Variants in AGAP1 observed in about 807,000 individuals in gnomAD.
The protein encoded by AGAP1 is arf-GAP with GTPase, ANK repeat and PH domain-containing protein 1.
Under a neutral mutation model 105.3 loss-of-function variants are expected in AGAP1, and 29 were observed. That is an observed-to-expected ratio of 0.28 (90% CI 0.21 to 0.38). The LOEUF (loss-of-function observed/expected upper bound fraction) is 0.38. Among genes scored for constraint, AGAP1 ranks in the 10% least tolerant of loss-of-function variants. The probability of loss-of-function intolerance (pLI) is 1.00; values close to 1 mark genes in which losing one functional copy is unlikely to be tolerated. For missense variants in AGAP1, 998 were observed against 1,165.1 expected (o/e 0.86, Z 2.09); for synonymous variants, 509 against 485.9 (o/e 1.05, Z -0.63).
intron 10 of AGAP1, among the ~76,000 whole-genome samples, chr2:235,886,188 C>G: frequency 6.6e-6 from 1 of 152,206 alleles, no homozygotes. Context: ...TCCTATGGAC[C>G]CTGTCAGAGA....
chr2:236,052,032 C>T lies in AGAP1; in HGVS notation c.2114+2751C>T, dbSNP rs80073651. ...TCTGCCTTTCGAAGCCACCCCCGCTCCCTCTGCCCCACTCCGCCCCTCCTG... is the reference window on the plus strand; with the variant it reads ...TCTGCCTTTCGAAGCCACCCCCGCTTCCTCTGCCCCACTCCGCCCCTCCTG... On this transcript the variant is annotated intron_variant, in intron 16 of 17. Coordinates refer to ENST00000304032, the MANE Select transcript of AGAP1 (RefSeq NM_001037131.3). 3.4e-4 allele frequency among the ~76,000 whole-genome samples: 52 copies of T among 152,274 alleles called. No homozygotes were observed. In the East Asian group the frequency reaches 9.9e-3, roughly 29 times the overall value.
At chr2:235,541,733 A>G (rs991321812) in intron 1 of AGAP1, among the ~76,000 whole-genome samples, 1 of 152,216 alleles carries the variant, frequency 6.6e-6, no homozygotes, top group South Asian at 2.1e-4. Flanking sequence ...TCTATATCTG[A>G]ATCTCTATCT....
At position 236,036,469 on chromosome 2, in the gene AGAP1, C is replaced by G; in HGVS notation, c.1646-92C>G. The G allele has an allele frequency of 6.6e-7, 1 of 1,522,438 alleles. No homozygotes were observed. The highest frequency in any genetic ancestry group is 8.9e-7 in the Non-Finnish European group (1 of 1,126,832). The allele number at this position is 1,522,438 out of a possible 1,614,324, so 94.3% of individuals were successfully genotyped here. On this transcript the variant is annotated intron_variant, in intron 13 of 17. Transcript: ENST00000304032. The surrounding 1 kb of genome is among the most constrained non-coding windows in gnomAD (Gnocchi z 5.7). ...GCCTCACCGGTCCATGCAGGGGCAGCTGAACCCAGAGGCGCTTCTGTGACA... is the reference window on the plus strand; with the variant it reads ...GCCTCACCGGTCCATGCAGGGGCAGGTGAACCCAGAGGCGCTTCTGTGACA...
intron 1 of AGAP1, chr2:235,670,354 C>T (rs1406248184): frequency 1.9e-6 from 1 of 524,234 alleles, no homozygotes; most frequent in East Asian, 3.7e-5. Flanking sequence ...CGGAGGGTCC[C>T]CGGCCGCGCG....
intron 1 of AGAP1, among the ~76,000 whole-genome samples, chr2:235,499,991 C>T (rs1179054646): frequency 1.3e-5 from 2 of 152,068 alleles, no homozygotes; most frequent in East Asian, 3.9e-4. Flanking sequence ...TTTGAAACGT[C>T]CCCAGAGCAC....
chr2:236,091,839 C>A (rs974988468), intron 16 of AGAP1, among the ~76,000 whole-genome samples: 2 of 152,114 alleles, frequency 1.3e-5, no homozygotes, highest in African/African-American at 4.8e-5. Flanking sequence ...TGGCGTTGTT[C>A]GTAAGAGCCC....
In AGAP1 at chr2:235,789,486, T is replaced by C. The variant is rs901470944; in HGVS notation, c.674-8273T>C. On this transcript the variant is annotated intron_variant, in intron 6 of 17. Coordinates refer to ENST00000304032, the MANE Select transcript of AGAP1 (RefSeq NM_001037131.3). This position sits in a 1 kb window ranked among gnomAD's most constrained non-coding sequence, Gnocchi z 4.2. Reference sequence around the variant, plus strand: ...TTTTAATACAACGAGATAAAAAGAATACAGACAAGAACTGAATTTCAGATT... The same window carrying C: ...TTTTAATACAACGAGATAAAAAGAACACAGACAAGAACTGAATTTCAGATT... 1.3e-5 allele frequency among the ~76,000 whole-genome samples: 2 copies of C among 152,142 alleles called. No homozygotes were observed. The highest frequency in any genetic ancestry group is 2.9e-5 in the Non-Finnish European group (2 of 68,006).
rs1374225143 is a variant in AGAP1 at position 235,692,927 on chromosome 2, G to C, written c.164-16252G>C. On this transcript the variant is annotated intron_variant, in intron 1 of 17. Transcript: ENST00000304032. The surrounding 1 kb of genome is among the most constrained non-coding windows in gnomAD (Gnocchi z 5.8). ...GCAGTGAGCAGGACCTGTTGCTGTC[G>C]GTGGTGGCATCAGTGGAGTTGGCAG... Among the ~76,000 whole-genome samples the C allele has an allele frequency of 6.6e-6, 1 of 152,148 alleles. No homozygotes were observed. Among genetic ancestry groups the C allele is most frequent in the Non-Finnish European group, 1.5e-5 (1 of 68,026 alleles).
intron 1 of AGAP1, among the ~76,000 whole-genome samples, chr2:235,498,680 G>A (rs1334653395): frequency 6.6e-6 from 1 of 152,232 alleles, no homozygotes; most frequent in African/African-American, 2.4e-5. Flanking sequence ...GCAGGACCGT[G>A]ATGTGAGTGA....
In AGAP1 at chr2:235,595,512, T is replaced by C. The variant is rs545473996; in HGVS notation, c.163+100663T>C. On this transcript the variant is annotated intron_variant, in intron 1 of 17. Transcript: ENST00000304032. ...ACACGTATAGCACTTTCAATTATGC[T>C]GTTACTTACAGCTAAGTAAAGCAGT... 9.8e-5 allele frequency among the ~76,000 whole-genome samples: 15 copies of C among 152,342 alleles called. No individual in the cohort carries two copies. In the South Asian group the frequency reaches 3.1e-3, roughly 32 times the overall value.
rs1166847967 is a variant in AGAP1, at chr2:235,714,663, G to A, written c.223-2894G>A. Among the ~76,000 whole-genome samples the A allele has an allele frequency of 2.0e-5, 3 of 152,054 alleles. No homozygotes were observed. The highest frequency in any genetic ancestry group is 6.6e-5 in the Admixed American group (1 of 15,262). On this transcript the variant is annotated intron_variant, in intron 2 of 17. Transcript: ENST00000304032. This position sits in a 1 kb window ranked among gnomAD's most constrained non-coding sequence, Gnocchi z 4.1. ...AGAGTGGGAGCGGCCAGGACTGGGT[G>A]ACAGAGAACATTTGGATCCATGAGC...
At chr2:236,006,470 A>G (rs1451687511) in intron 13 of AGAP1, among the ~76,000 whole-genome samples, 1 of 152,226 alleles carries the variant, frequency 6.6e-6, no homozygotes, top group African/African-American at 2.4e-5. Flanking sequence ...CTGCATATGC[A>G]TATATATCTA....
chr2:235,915,049 G>A (rs182961347), intron 11 of AGAP1, among the ~76,000 whole-genome samples: 4 of 152,226 alleles, frequency 2.6e-5, no homozygotes, highest in South Asian at 4.1e-4. Context: ...GAAGTGCACC[G>A]GCCAGCTCAC....
chr2:235,880,608 C>T (rs1466763346), intron 9 of AGAP1, among the ~76,000 whole-genome samples: 1 of 151,814 alleles, frequency 6.6e-6, no homozygotes, highest in Non-Finnish European at 1.5e-5. Flanking sequence ...GGCATGGTGG[C>T]ATTTGCCTGT....
chr2:235,598,121 T>G (rs1322374159), intron 1 of AGAP1, among the ~76,000 whole-genome samples: 1 of 152,040 alleles, frequency 6.6e-6, no homozygotes, highest in Non-Finnish European at 1.5e-5. Flanking sequence ...CCCTCCCATG[T>G]TTCCTTTGGG....
In AGAP1 at chr2:236,053,676, C is replaced by T. The variant is rs960653020; in HGVS notation, c.2114+4395C>T. On this transcript the variant is annotated intron_variant, in intron 16 of 17. Transcript: ENST00000304032. The surrounding 1 kb of genome is among the most constrained non-coding windows in gnomAD (Gnocchi z 4.6). The stretch of plus-strand genomic sequence containing the variant: ...AAAGCATTTGGCCCCCAAGGCCCTG[C>T]AGGGACTCGCTGCTATTTGCATTTC... Among the ~76,000 whole-genome samples, 2 of 152,240 alleles carry T rather than the reference C, an allele frequency of 1.3e-5. No homozygotes were observed. Among genetic ancestry groups the T allele is most frequent in the African/African-American group, 4.8e-5 (2 of 41,466 alleles).
chr2:235,513,240 C>CAGGGCGCGGGCG (rs1553555357), intron 1 of AGAP1, among the ~76,000 whole-genome samples: 1 of 151,376 alleles, frequency 6.6e-6, no homozygotes, highest in Non-Finnish European at 1.5e-5. Context: ...GATCACTGTG[C>CAGGGCGCGGGCG]CGGGCGCGGG....
At chr2:236,026,899 A>G (rs1292783720) in intron 13 of AGAP1, among the ~76,000 whole-genome samples, 3 of 152,196 alleles carry the variant, frequency 2.0e-5, no homozygotes, top group Non-Finnish European at 1.5e-5. Context: ...TTTGATTCCC[A>G]AGGAGAGCTC....
rs753331753 is a variant in AGAP1, at chr2:235,601,449, A to G, written c.163+106600A>G. 2.6e-5 allele frequency among the ~76,000 whole-genome samples: 4 copies of G among 152,202 alleles called. No homozygotes were observed. Among genetic ancestry groups the G allele is most frequent in the Non-Finnish European group, 4.4e-5 (3 of 68,040 alleles). On this transcript the variant is annotated intron_variant, in intron 1 of 17. Transcript: ENST00000304032. The surrounding 1 kb of genome is among the most constrained non-coding windows in gnomAD (Gnocchi z 4.4). ...AAGTTTAACGGACTCACAGTTCTAC[A>G]TGGCTGGGGAGGCCTCACAGTCATG...
Sources: gnomAD v4.1 joint callset for allele counts (sites outside exome capture counted in the v4.1 genomes callset) on GRCh38, gnomAD v4.1.1 for gene constraint, Gnocchi (gnomAD v3.1) non-coding constraint, MANE v1.5 for transcripts, NCBI Gene and HGNC (gene_info 2026-07-23, HGNC 2026-07-21) for gene names.